CERS3: variants seen among roughly 807,000 people sequenced by gnomAD.
The protein encoded by CERS3 is LAG1 homolog, ceramide synthase 3.
CERS3 carries 33 observed loss-of-function variants against 50.3 expected under a neutral mutation model. The observed-to-expected ratio is 0.66, with a 90% CI of 0.50 to 0.88. The LOEUF is 0.88. Among genes scored for constraint, CERS3 ranks in the 40% least tolerant of loss-of-function variants. CERS3 has a pLI of 0.00. For missense variants in CERS3, 470 were observed against 460.3 expected (o/e 1.02, Z -0.19); for synonymous variants, 176 against 155.2 (o/e 1.13, Z -0.99).
intron 11 of CERS3, among the ~76,000 whole-genome samples, chr15:100,406,405 A>G (rs1372270439): frequency 6.6e-6 from 1 of 152,236 alleles, no homozygotes; most frequent in African/African-American, 2.4e-5. Flanking sequence ...GAGTCTCAGC[A>G]TATATGTAAC....
intron 3 of CERS3, among the ~76,000 whole-genome samples, chr15:100,497,557 AAGAAATT>A (rs150805350): frequency 0.041 from 6,265 of 152,094 alleles, 175 homozygotes; most frequent in Non-Finnish European, 0.055. Flanking sequence ...GCTAGAAATG[AAGAAATT>A]AGGAGGGGAA....
At chr15:100,434,432 A>C (rs1036334111) in intron 11 of CERS3, among the ~76,000 whole-genome samples, 1 of 152,226 alleles carries the variant, frequency 6.6e-6, no homozygotes, top group Non-Finnish European at 1.5e-5. Flanking sequence ...TGCATCATAA[A>C]TCACTCAGGT....
chr15:100,423,657 CACTACCTGGGTG>C (rs1418943053), intron 11 of CERS3, among the ~76,000 whole-genome samples: 4 of 152,156 alleles, frequency 2.6e-5, no homozygotes, highest in South Asian at 4.1e-4. Flanking sequence ...GTACTATGCT[CACTACCTGGGTG>C]ACAAAATCAT....
At chr15:100,417,822 C>T (rs1477715427) in intron 11 of CERS3, among the ~76,000 whole-genome samples, 1 of 151,852 alleles carries the variant, frequency 6.6e-6, no homozygotes, top group Non-Finnish European at 1.5e-5. Flanking sequence ...CAAGGGCACA[C>T]TGACACCTCA....
intron 3 of CERS3, among the ~76,000 whole-genome samples, chr15:100,495,742 T>A (rs1395148497): frequency 6.6e-6 from 1 of 152,216 alleles, no homozygotes; most frequent in Non-Finnish European, 1.5e-5. Context: ...CCTTTTTATT[T>A]TATTTACAGT....
intron 10 of CERS3, among the ~76,000 whole-genome samples, chr15:100,457,106 T>G (rs1052145300): frequency 6.6e-6 from 1 of 152,268 alleles, no homozygotes; most frequent in Admixed American, 6.5e-5. Context: ...ACAAGAAAAT[T>G]GTCCATAACA....
intron 11 of CERS3, among the ~76,000 whole-genome samples, chr15:100,442,566 G>A (rs2142156479): frequency 6.6e-6 from 1 of 152,262 alleles, no homozygotes; most frequent in Non-Finnish European, 1.5e-5. Context: ...TGCTACAAGT[G>A]CCAGAAATCT....
chr15:100,462,760 A>G (rs2034591899), intron 10 of CERS3, among the ~76,000 whole-genome samples: 1 of 152,220 alleles, frequency 6.6e-6, no homozygotes, highest in South Asian at 2.1e-4. Flanking sequence ...TGAAAGACAA[A>G]GAAGAGGTAA....
chr15:100,531,059 G>C (rs2036926992), upstream of CERS3, among the ~76,000 whole-genome samples: 1 of 152,034 alleles, frequency 6.6e-6, no homozygotes, highest in South Asian at 2.1e-4. Context: ...ACTCCAGCCT[G>C]GGTGACAGAG....
chr15:100,541,778 A>G (rs781741943), intron 1 of CERS3, among the ~76,000 whole-genome samples: 7 of 152,246 alleles, frequency 4.6e-5, no homozygotes, highest in Non-Finnish European at 1.0e-4. Context: ...AAAAAGTAGT[A>G]ACATGTCACA....
At position 100,413,488 on chromosome 15, in the gene CERS3, C is replaced by T. The variant is rs567475200; in HGVS notation, c.1000-10623G>A. Among the ~76,000 whole-genome samples the T allele has an allele frequency of 1.1e-4, 17 of 151,306 alleles. No individual in the cohort carries two copies. The South Asian group carries it at 3.5e-3, about 32-fold the overall frequency. On this transcript the variant is annotated intron_variant, in intron 11 of 11. Coordinates refer to ENST00000679737, the MANE Select transcript of CERS3 (RefSeq NM_001378789.1). ...GCAAAGGACATGAACAGGCAATTTACAAAAAAGTCAACACAACTGACGACT... is the reference window on the plus strand; with the variant it reads ...GCAAAGGACATGAACAGGCAATTTATAAAAAAGTCAACACAACTGACGACT...
chr15:100,434,378 C>T (rs1036777870), intron 11 of CERS3, among the ~76,000 whole-genome samples: 6 of 152,338 alleles, frequency 3.9e-5, no homozygotes, highest in East Asian at 1.9e-4. Context: ...GTTCCACAGA[C>T]GGCATGCGTG....
intron 5 of CERS3, among the ~76,000 whole-genome samples, chr15:100,484,335 A>C (rs989514645): frequency 2.6e-5 from 4 of 152,134 alleles, no homozygotes; most frequent in African/African-American, 9.7e-5. Flanking sequence ...CTGGTTCGGG[A>C]GGCCCGATAA....
At chr15:100,413,773 G>GAA (rs56131548) in intron 11 of CERS3, among the ~76,000 whole-genome samples, 3,920 of 137,198 alleles carry the variant, frequency 0.029, 69 homozygotes, top group African/African-American at 0.049. Flanking sequence ...AGAAATACAA[G>GAA]AAAAAAAAAA....
chr15:100,478,269 T>C (rs2035196598), intron 7 of CERS3, among the ~76,000 whole-genome samples: 1 of 152,138 alleles, frequency 6.6e-6, no homozygotes, highest in South Asian at 2.1e-4. Context: ...AGACATGGCT[T>C]AAGAAAAGTA....
At chr15:100,483,767 TAA>T (rs2035389279) in intron 5 of CERS3, among the ~76,000 whole-genome samples, 3 of 24,240 alleles carry the variant, frequency 1.2e-4, no homozygotes, top group African/African-American at 2.4e-4. Context: ...GGATCAATAA[TAA>T]TAATAATTAT....
chr15:100,473,050 A>T lies in CERS3; in HGVS notation c.612T>A (p.Asp204Glu). The part of the protein sequence containing the change: ...FRLGFDVKRK[D>E]FLAHIIHHLA... The stretch of plus-strand genomic sequence containing the variant: ...GGTGGTGGATGATATGAGCTAGAAA[A>T]TCCTGTAAGATGAGGGAAAATGGAA... Residue 204 changes from aspartate (D) to glutamate (E), a missense_variant and splice_region_variant, in exon 9 of 12, where the codon GAT becomes GAA. Transcript: ENST00000679737. 1 of 1,611,666 alleles carries T rather than the reference A, an allele frequency of 6.2e-7. No homozygotes were observed. The highest frequency in any genetic ancestry group is 8.5e-7 in the Non-Finnish European group (1 of 1,179,196).
intron 3 of CERS3, among the ~76,000 whole-genome samples, chr15:100,499,320 A>G (rs2035929057): frequency 6.6e-6 from 1 of 152,240 alleles, no homozygotes; most frequent in African/African-American, 2.4e-5. Context: ...TAAACTAATT[A>G]GAAACTAGTA....
At chr15:100,476,276 C>G (rs1057239660) in intron 7 of CERS3, 98 bp from the exon 8 acceptor site, 1 of 605,308 alleles carries the variant, frequency 1.7e-6, no homozygotes, top group Non-Finnish European at 2.9e-6. Context: ...TATATCCCAC[C>G]AGATTCCATA....
Sources: gnomAD v4.1 joint callset for allele counts (sites outside exome capture counted in the v4.1 genomes callset) on GRCh38, gnomAD v4.1.1 for gene constraint, MANE v1.5 for transcripts, NCBI Gene and HGNC (gene_info 2026-07-23, HGNC 2026-07-21) for gene names.